FBLN1: variants seen among roughly 807,000 people sequenced by gnomAD.
FBLN1 encodes fibulin 1.
Under a neutral mutation model 89.7 loss-of-function variants are expected in FBLN1, and 34 were observed. That is an observed-to-expected ratio of 0.38 (90% CI 0.29 to 0.50). FBLN1 has a LOEUF of 0.50. Among genes scored for constraint, FBLN1 ranks in the 20% least tolerant of loss-of-function variants. FBLN1 has a pLI of 0.92. For synonymous variants in FBLN1, 393 were observed against 391.3 expected (o/e 1.00, Z -0.05); for missense variants, 777 against 988.1 (o/e 0.79, Z 2.86).
In FBLN1 at chr22:45,533,975, G is replaced by C. The variant is rs895884307; in HGVS notation, c.784+77G>C. 6.3e-6 allele frequency: 10 copies of C among 1,594,668 alleles called. No individual in the cohort carries two copies. In the African/African-American group the frequency reaches 1.3e-4, roughly 21 times the overall value. On this transcript the variant is annotated intron_variant, in intron 7 of 16. Coordinates refer to ENST00000327858, the MANE Select transcript of FBLN1 (RefSeq NM_006486.3). ...GCGCGGTGGGAAGGGCAGCTCTGGG[G>C]TCTGGGCTCCCGCAGTCCTGCGCCC...
chr22:45,525,741 C>T (rs2088318493), intron 3 of FBLN1, 63 bp downstream of exon 3: 1 of 1,547,938 alleles, frequency 6.5e-7, no homozygotes, highest in Non-Finnish European at 8.7e-7. Context: ...CCCAGGCCCT[C>T]CCAGCCAAGC....
At chr22:45,592,013 C>A (rs543896185) in intron 16 of FBLN1, among the ~76,000 whole-genome samples, 3 of 151,470 alleles carry the variant, frequency 2.0e-5, no homozygotes, top group Non-Finnish European at 3.0e-5. Flanking sequence ...TCCTGCGCGC[C>A]ATTTTGCAGA....
rs739270 is a variant in FBLN1 at position 45,547,323 on chromosome 22, A to G, written c.1441+119A>G. 1,204,577 of 1,385,164 alleles carry G rather than the reference A, an allele frequency of 0.87. 525,419 individuals carry two copies. Among genetic ancestry groups the G allele is most frequent in the Admixed American group, 0.92 (50,289 of 54,722 alleles). 85.8% of individuals were successfully genotyped at this position (1,385,164 alleles called of 1,614,324 possible). A position where few individuals can be genotyped will look rare whatever the true frequency, so the allele number is the denominator to read the frequency against. On this transcript the variant is annotated intron_variant, in intron 12 of 16. Transcript: ENST00000327858. ...GAGCCTGCTGGGATTTCTTCACCTG[A>G]CAAACCTTCCATGTCCACCCTTGGA...
intron 2 of FBLN1, chr22:45,523,105 C>A: frequency 1.3e-6 from 1 of 772,706 alleles, no homozygotes; most frequent in Non-Finnish European, 2.4e-6. Context: ...GTGGGGTTGG[C>A]CTCACTGTGC....
chr22:45,600,085 G>C (rs1040995805), intron 16 of FBLN1, among the ~76,000 whole-genome samples: 27 of 152,354 alleles, frequency 1.8e-4, no homozygotes, highest in African/African-American at 6.5e-4. Context: ...CCAGCAAGTA[G>C]TGAGTTCACT....
At chr22:45,569,970 C>G (rs1048727230) in intron 14 of FBLN1, among the ~76,000 whole-genome samples, 1 of 152,072 alleles carries the variant, frequency 6.6e-6, no homozygotes, top group African/African-American at 2.4e-5. Context: ...CGTGCCCAGA[C>G]TAAATGAAAA....
chr22:45,593,845 A>T (rs1569269384), intron 16 of FBLN1, among the ~76,000 whole-genome samples: 3 of 151,604 alleles, frequency 2.0e-5, no homozygotes, highest in South Asian at 4.2e-4. Flanking sequence ...TCATCTTACG[A>T]CGTGTTCATG....
In FBLN1 at chr22:45,587,960, G is replaced by A. The variant is rs149420405; in HGVS notation, c.1972+10852G>A. The stretch of plus-strand genomic sequence containing the variant: ...CTCTCCTCATACTCATTCTCCCAAC[G>A]AGTAATGTGTGTATCCCTGGGGGCA... On this transcript the variant is annotated intron_variant, in intron 16 of 16. Transcript: ENST00000327858. Among the ~76,000 whole-genome samples, 183 of 152,106 alleles carry A rather than the reference G, an allele frequency of 1.2e-3. 1 individual carries two copies. The highest frequency in any genetic ancestry group is 4.2e-3 in the African/African-American group (176 of 41,446).
In FBLN1 at chr22:45,562,733, C is replaced by T. The variant is rs990830232; in HGVS notation, c.1698-11778C>T. ...AGAGGCTAGTGCCTGAATCAGCAGC[C>T]TGGAGGTCCACGGCGCCTCCCGCAG... is the stretch of plus-strand genomic sequence containing the variant. On this transcript the variant is annotated intron_variant, in intron 14 of 16. Transcript: ENST00000327858. The surrounding 1 kb of genome is among the most constrained non-coding windows in gnomAD (Gnocchi z 7.8). Among the ~76,000 whole-genome samples, 9 of 152,336 alleles carry T rather than the reference C, an allele frequency of 5.9e-5. No individual in the cohort carries two copies. Among genetic ancestry groups the T allele is most frequent in the East Asian group, 1.9e-4 (1 of 5,164 alleles).
chr22:45,531,413 G>A lies in FBLN1; in HGVS notation c.544+89G>A, dbSNP rs1555953525. 8.8e-7 allele frequency: 1 copy of A among 1,141,002 alleles called. No homozygotes were observed. Among genetic ancestry groups the A allele is most frequent in the Non-Finnish European group, 1.3e-6 (1 of 754,208 alleles). The allele number at this position is 1,141,002 out of a possible 1,614,324, so 70.7% of individuals were successfully genotyped here. A position where few individuals can be genotyped will look rare whatever the true frequency, so the allele number is the denominator to read the frequency against. On this transcript the variant is annotated intron_variant, in intron 5 of 16. Transcript: ENST00000327858. This position sits in a 1 kb window ranked among gnomAD's most constrained non-coding sequence, Gnocchi z 4.9. ...CTCAGGCCTGTAATCCTAGTACTTTGGGAAGCCAAGGCAGGAGGATTCCTT... is the reference window on the plus strand; with the variant it reads ...CTCAGGCCTGTAATCCTAGTACTTTAGGAAGCCAAGGCAGGAGGATTCCTT...
intron 1 of FBLN1, among the ~76,000 whole-genome samples, chr22:45,512,075 G>C (rs748301794): frequency 6.6e-6 from 1 of 151,870 alleles, no homozygotes; most frequent in African/African-American, 2.4e-5. Flanking sequence ...GCCCAGTGTC[G>C]AGTTACCAGC....
Position 45,532,975 on chromosome 22 carries a change from C to T in FBLN1, c.545-88C>T, listed in dbSNP as rs907157818. ...TTCCTGGGTTCGTCTGCCCAGAGGG[C>T]GTTTTCTATGACCCAGCCTGAACGG... On this transcript the variant is annotated intron_variant, in intron 5 of 16. Transcript: ENST00000327858. The surrounding 1 kb of genome is among the most constrained non-coding windows in gnomAD (Gnocchi z 4.2). 9 of 1,231,606 alleles carry T rather than the reference C, an allele frequency of 7.3e-6. No homozygotes were observed. The highest frequency in any genetic ancestry group is 1.2e-5 in the South Asian group (1 of 81,764). The allele number at this position is 1,231,606 out of a possible 1,614,324, so 76.3% of individuals were successfully genotyped here.
chr22:45,569,086 A>C (rs150432422), intron 14 of FBLN1, among the ~76,000 whole-genome samples: 46 of 152,312 alleles, frequency 3.0e-4, no homozygotes, highest in African/African-American at 9.4e-4. Context: ...CAATGACCGT[A>C]GTTTCCAGTG....
In FBLN1 at chr22:45,562,702, G is replaced by T. The variant is rs1050631539; in HGVS notation, c.1698-11809G>T. On this transcript the variant is annotated intron_variant, in intron 14 of 16. Transcript: ENST00000327858. This position sits in a 1 kb window ranked among gnomAD's most constrained non-coding sequence, Gnocchi z 7.8. ...CCGGCCACCCAGCGCCCGAGATGGTGTTGGAAGAGGCTAGTGCCTGAATCA... is the reference window on the plus strand; with the variant it reads ...CCGGCCACCCAGCGCCCGAGATGGTTTTGGAAGAGGCTAGTGCCTGAATCA... 2.6e-5 allele frequency among the ~76,000 whole-genome samples: 4 copies of T among 152,256 alleles called. No individual in the cohort carries two copies. Among genetic ancestry groups the T allele is most frequent in the Admixed American group, 6.5e-5 (1 of 15,290 alleles).
intron 7 of FBLN1, among the ~76,000 whole-genome samples, chr22:45,534,312 AAAAAAAAAG>A: frequency 6.6e-6 from 1 of 150,980 alleles, no homozygotes; most frequent in Non-Finnish European, 1.5e-5. Flanking sequence ...AAAAAAAAAA[AAAAAAAAAG>A]CAAAAACAAA....
rs542647353 is a variant in FBLN1 at position 45,571,111 on chromosome 22, C to CAAAAAAAAAAAAA, written c.1698-3387_1698-3375dup. On this transcript the variant is annotated intron_variant, in intron 14 of 16. Coordinates refer to ENST00000327858, the MANE Select transcript of FBLN1 (RefSeq NM_006486.3). ...ATTCCAGCCTGGGAAACAAGAGTCT[C>CAAAAAAAAAAAAA]AAAAAAAAAAAAAAAAAAAAAAAAA... Among the ~76,000 whole-genome samples, 288 of 70,730 alleles carry CAAAAAAAAAAAAA rather than the reference C, an allele frequency of 4.1e-3. 1 individual carries two copies. Among genetic ancestry groups the CAAAAAAAAAAAAA allele is most frequent in the Non-Finnish European group, 4.8e-3 (188 of 39,150 alleles). The allele number at this position is 70,730 out of a possible 152,430, so 46.4% of individuals were successfully genotyped here.
Position 45,577,038 on chromosome 22 carries a change from C to T in FBLN1, c.1902C>T (p.Phe634=), listed in dbSNP as rs562343332. 79 of 1,614,136 alleles carry T rather than the reference C, an allele frequency of 4.9e-5. No individual in the cohort carries two copies. Among genetic ancestry groups the T allele is most frequent in the East Asian group, 3.8e-4 (17 of 44,876 alleles). ...CTGCCAGCCAGGCTAACATCATCTT[C>T]GACATCACGGAAGGGAACCTGCGGG... The part of the protein sequence containing the change: ...PHPASQANII[F]DITEGNLRDS... Residue 634 remains phenylalanine, a synonymous_variant, in exon 16 of 17, where the codon TTC becomes TTT. Coordinates refer to ENST00000327858, the MANE Select transcript of FBLN1 (RefSeq NM_006486.3). This position sits in a 1 kb window ranked among gnomAD's most constrained non-coding sequence, Gnocchi z 6.6.
At chr22:45,600,223 A>G (rs2089219555) in intron 16 of FBLN1, 84 bp from the exon 17 acceptor site, 1 of 1,563,562 alleles carries the variant, frequency 6.4e-7, no homozygotes, top group Non-Finnish European at 8.8e-7. Context: ...TAGCTCTGAA[A>G]CTCCTCAAGG....
intron 11 of FBLN1, 34 bp downstream of exon 11, chr22:45,543,560 A>C: frequency 6.2e-7 from 1 of 1,608,718 alleles, no homozygotes; most frequent in Non-Finnish European, 8.5e-7. Flanking sequence ...CACCTCCCCC[A>C]GGTCACCTTC....
Sources: gnomAD v4.1 joint callset for allele counts (sites outside exome capture counted in the v4.1 genomes callset) on GRCh38, gnomAD v4.1.1 for gene constraint, Gnocchi (gnomAD v3.1) non-coding constraint, MANE v1.5 for transcripts, NCBI Gene and HGNC (gene_info 2026-07-23, HGNC 2026-07-21) for gene names.